ANKRD13C: variants seen among roughly 807,000 people sequenced by gnomAD.
The protein encoded by ANKRD13C is ankyrin repeat domain 13C.
In ANKRD13C, 16 loss-of-function variants were observed where a neutral mutation model predicts 65.5. The ratio of observed to expected loss-of-function variants is 0.24; its 90% CI spans 0.17 to 0.37. The LOEUF (loss-of-function observed/expected upper bound fraction) is 0.37, where lower values mean the gene tolerates loss of function less well. ANKRD13C is among the 10% of genes least tolerant of loss of function. The probability of loss-of-function intolerance (pLI) is 1.00; values close to 1 mark genes in which losing one functional copy is unlikely to be tolerated. For missense variants in ANKRD13C, 503 were observed against 655.9 expected, an observed-to-expected ratio of 0.77 and a Z score of 2.55; for synonymous variants, 235 against 238.7, an observed-to-expected ratio of 0.98 and a Z score of 0.14.
intron 12 of ANKRD13C, among the ~76,000 whole-genome samples, chr1:70,263,972 A>C (rs1678495508): frequency 6.6e-6 from 1 of 152,172 alleles, no homozygotes; most frequent in Non-Finnish European, 1.5e-5. Context: ...ATTAGATTTA[A>C]ACACAATAAT....
intron 1 of ANKRD13C, among the ~76,000 whole-genome samples, chr1:70,336,811 AATG>A (rs1682059048): frequency 1.3e-5 from 2 of 152,174 alleles, no homozygotes; most frequent in Non-Finnish European, 1.5e-5. Flanking sequence ...ATGATATTGG[AATG>A]ATGAGCAAAA....
chr1:70,315,491 G>T lies in ANKRD13C; in HGVS notation c.653C>A (p.Ala218Asp). 1 of 1,599,270 alleles carries T rather than the reference G, an allele frequency of 6.3e-7. No homozygotes were observed. The highest frequency in any genetic ancestry group is 1.1e-5 in the South Asian group (1 of 88,044). ...VEEKRPRLLK[A>D]LKELGDFYLE... Reference sequence around the variant, plus strand: ...AGAAATATAGCTTACCTCTTTCAGGGCTTTTAATAATCGAGGTCGTTTTTC... The same window carrying T: ...AGAAATATAGCTTACCTCTTTCAGGTCTTTTAATAATCGAGGTCGTTTTTC... The change falls in exon 4 of 13, where the codon GCC becomes GAC. Residue 218 changes from alanine (A) to aspartate (D), a missense_variant. Physicochemically the swap from Ala to Asp is moderately radical, Grantham distance 126. This residue lies in a region of ANKRD13C where 300 missense variants were observed against 478.3 expected (regional missense o/e 0.63). Coordinates refer to ENST00000370944, the MANE Select transcript of ANKRD13C (RefSeq NM_030816.5).
chr1:70,313,484 C>T (rs1007086799), intron 5 of ANKRD13C, among the ~76,000 whole-genome samples: 6 of 149,340 alleles, frequency 4.0e-5, no homozygotes, highest in African/African-American at 5.0e-5. Flanking sequence ...AAGCTATGAT[C>T]GTACCACTGC....
At position 70,268,265 on chromosome 1, in the gene ANKRD13C, G is replaced by A. The variant is rs561039501; in HGVS notation, c.1495+2591C>T. ...GCTCACTGTAACCTCTGCCTCCTGGGTTCAAGTGATTTTCCTGCCTCAGCC... is the reference window on the plus strand; with the variant it reads ...GCTCACTGTAACCTCTGCCTCCTGGATTCAAGTGATTTTCCTGCCTCAGCC... On this transcript the variant is annotated intron_variant, in intron 12 of 12. Transcript: ENST00000370944. 3.9e-5 allele frequency among the ~76,000 whole-genome samples: 6 copies of A among 152,204 alleles called. No individual in the cohort carries two copies. In the East Asian group the frequency reaches 1.2e-3, roughly 29 times the overall value.
intron 12 of ANKRD13C, among the ~76,000 whole-genome samples, chr1:70,267,374 TG>T: frequency 6.6e-6 from 1 of 152,174 alleles, no homozygotes; most frequent in East Asian, 1.9e-4. Context: ...TGTTTTGTTT[TG>T]TTTTTTTATT....
At chr1:70,349,858 G>A (rs1208992166) in intron 1 of ANKRD13C, among the ~76,000 whole-genome samples, 5 of 152,128 alleles carry the variant, frequency 3.3e-5, no homozygotes, top group Admixed American at 6.5e-5. Flanking sequence ...ACTCTTGGCC[G>A]GGCATGGTGG....
At chr1:70,342,026 G>A (rs181580946) in intron 1 of ANKRD13C, among the ~76,000 whole-genome samples, 116 of 151,872 alleles carry the variant, frequency 7.6e-4, no homozygotes, top group Non-Finnish European at 1.3e-3. Context: ...AAGAAGTGGT[G>A]AAACAAAGAA....
chr1:70,296,363 A>G (rs1319795707), intron 7 of ANKRD13C, 102 bp from the exon 8 acceptor site: 1 of 1,182,942 alleles, frequency 8.5e-7, no homozygotes, highest in African/African-American at 1.5e-5. Context: ...CAATTTTTAA[A>G]GACAAAAAGG....
At chr1:70,319,744 T>C (rs983875210) in intron 3 of ANKRD13C, among the ~76,000 whole-genome samples, 1 of 152,058 alleles carries the variant, frequency 6.6e-6, no homozygotes, top group Non-Finnish European at 1.5e-5. Flanking sequence ...CTAAAACCCT[T>C]TGAGACAGCT....
intron 2 of ANKRD13C, among the ~76,000 whole-genome samples, chr1:70,327,864 A>C (rs1437275447): frequency 6.6e-6 from 1 of 152,100 alleles, no homozygotes; most frequent in Non-Finnish European, 1.5e-5. Flanking sequence ...CAGGAGTTTG[A>C]GACCAACGTG....
intron 2 of ANKRD13C, among the ~76,000 whole-genome samples, chr1:70,326,808 T>C (rs1440930123): frequency 3.3e-5 from 5 of 151,836 alleles, no homozygotes. Flanking sequence ...CCAGCTTGAA[T>C]GGTTAGCCAA....
intron 9 of ANKRD13C, among the ~76,000 whole-genome samples, chr1:70,289,558 G>A (rs533390814): frequency 2.6e-5 from 4 of 151,700 alleles, no homozygotes; most frequent in East Asian, 3.9e-4. Context: ...TCTGCCTCCC[G>A]GGGGTTCACG....
chr1:70,347,295 G>A (rs974616990), intron 1 of ANKRD13C, among the ~76,000 whole-genome samples: 1 of 151,940 alleles, frequency 6.6e-6, no homozygotes, highest in African/African-American at 2.4e-5. Flanking sequence ...TTGTTTGTCT[G>A]CCTGGCCCCC....
chr1:70,333,353 C>A (rs985031497), intron 2 of ANKRD13C, among the ~76,000 whole-genome samples: 16 of 151,858 alleles, frequency 1.1e-4, no homozygotes, highest in African/African-American at 3.6e-4. Context: ...TTTTATTGAT[C>A]AAATTCAGCT....
chr1:70,344,451 G>A (rs568248068), intron 1 of ANKRD13C, among the ~76,000 whole-genome samples: 3 of 149,278 alleles, frequency 2.0e-5, no homozygotes, highest in Admixed American at 6.7e-5. Flanking sequence ...ATGACAAAGC[G>A]AGACCCTATC....
chr1:70,262,965 C>T (rs1381594695), intron 12 of ANKRD13C, 118 bp from the exon 13 acceptor site: 5 of 628,720 alleles, frequency 8.0e-6, no homozygotes, highest in Admixed American at 7.3e-5. Context: ...AAAAAATACT[C>T]AAGAACCAGA....
chr1:70,354,208 C>A lies in ANKRD13C; in HGVS notation c.201G>T (p.Pro67=), dbSNP rs570670306. 1.1e-4 allele frequency: 184 copies of A among 1,613,690 alleles called. 2 individuals carry two copies. In the South Asian group the frequency reaches 1.8e-3, roughly 16 times the overall value. Residue 67 remains proline, a synonymous_variant, in exon 1 of 13, where the codon CCG becomes CCT. Transcript: ENST00000370944. ...HHHRLQLKAA[P]ASSNPPGAPA... ...GGGCGCCGGGGGGATTGGAGGAGGC[C>A]GGAGCTGCCTTCAGCTGTAGCCGGT...
rs140099836 is a variant in ANKRD13C at position 70,268,319 on chromosome 1, G to A, written c.1495+2537C>T. Among the ~76,000 whole-genome samples, 1,280 of 152,082 alleles carry A rather than the reference G, an allele frequency of 8.4e-3. 17 individuals are homozygous for A. The highest frequency in any genetic ancestry group is 0.029 in the African/African-American group (1,211 of 41,462). ...TGAGTAGCTGGGATTACAGGTACCC[G>A]CCACCACACCTGGCTAATTTTTAGT... On this transcript the variant is annotated intron_variant, in intron 12 of 12. Coordinates refer to ENST00000370944, the MANE Select transcript of ANKRD13C (RefSeq NM_030816.5).
intron 3 of ANKRD13C, among the ~76,000 whole-genome samples, chr1:70,320,848 G>A (rs1214221054): frequency 6.6e-6 from 1 of 151,302 alleles, no homozygotes; most frequent in Non-Finnish European, 1.5e-5. Flanking sequence ...GGAGTGCAGT[G>A]GCGTGATCTC....
Sources: gnomAD v4.1 joint callset for allele counts (sites outside exome capture counted in the v4.1 genomes callset) on GRCh38, gnomAD v4.1.1 for gene constraint, gnomAD v4.1.1 regional missense constraint, MANE v1.5 for transcripts, NCBI Gene and HGNC (gene_info 2026-07-23, HGNC 2026-07-21) for gene names.